Variants in MCUB observed in about 807,000 individuals in gnomAD.
MCUB encodes calcium uniporter regulatory subunit MCUb, mitochondrial.
Under a neutral mutation model 41.4 loss-of-function variants are expected in MCUB, and 46 were observed. That is an observed-to-expected ratio of 1.11 (90% CI 0.88 to 1.42). The LOEUF is 1.42. Ranked by LOEUF, MCUB falls within the 40% of genes most tolerant of loss-of-function variation. The probability of loss-of-function intolerance (pLI) is 0.00; values close to 1 mark genes in which losing one functional copy is unlikely to be tolerated. For missense variants in MCUB, 403 were observed against 404.9 expected (o/e 1.00, Z 0.04); for synonymous variants, 148 against 148.2 (o/e 1.00, Z 0.01).
intron 1 of MCUB, among the ~76,000 whole-genome samples, chr4:109,658,642 A>T (rs1038936734): frequency 6.6e-6 from 1 of 152,140 alleles, no homozygotes; most frequent in African/African-American, 2.4e-5. Flanking sequence ...TGGTCTGGGG[A>T]CCACATATTG....
chr4:109,687,391 C>T, intron 7 of MCUB, 124 bp from the exon 8 acceptor site: 2 of 636,522 alleles, frequency 3.1e-6, no homozygotes, highest in South Asian at 4.1e-5. Flanking sequence ...AGCCATTTGC[C>T]ACTAATAGTT....
chr4:109,621,832 TCATC>T (rs1728256633), intron 1 of MCUB, among the ~76,000 whole-genome samples: 1 of 152,188 alleles, frequency 6.6e-6, no homozygotes, highest in African/African-American at 2.4e-5. Context: ...CCTCTGTTGT[TCATC>T]CATAGAAAAC....
At chr4:109,679,348 C>T (rs2126150893) in intron 4 of MCUB, among the ~76,000 whole-genome samples, 1 of 152,342 alleles carries the variant, frequency 6.6e-6, no homozygotes, top group South Asian at 2.1e-4. Context: ...TGCACTCCAG[C>T]CTGGGCAACA....
At chr4:109,605,286 T>C (rs1210872841) in intron 1 of MCUB, among the ~76,000 whole-genome samples, 1 of 152,190 alleles carries the variant, frequency 6.6e-6, no homozygotes, top group Non-Finnish European at 1.5e-5. Flanking sequence ...CTTCACTGAC[T>C]CACTGGTCAT....
chr4:109,636,604 G>C (rs1368235559), intron 1 of MCUB, among the ~76,000 whole-genome samples: 1 of 152,226 alleles, frequency 6.6e-6, no homozygotes, highest in Non-Finnish European at 1.5e-5. Flanking sequence ...GGAGGCCGAG[G>C]CGGGCAGATC....
chr4:109,579,789 C>T (rs1038700054), intron 1 of MCUB, among the ~76,000 whole-genome samples: 1 of 151,734 alleles, frequency 6.6e-6, no homozygotes, highest in African/African-American at 2.4e-5. Context: ...GAGAATGAGT[C>T]AAAATAAAAA....
intron 1 of MCUB, among the ~76,000 whole-genome samples, chr4:109,570,668 T>A (rs982689612): frequency 3.3e-5 from 5 of 152,256 alleles, no homozygotes; most frequent in Admixed American, 6.5e-5. Context: ...GTAGACTCAA[T>A]ATCAAGATTT....
intron 1 of MCUB, among the ~76,000 whole-genome samples, chr4:109,603,250 C>A (rs1393641910): frequency 6.6e-6 from 1 of 152,232 alleles, no homozygotes; most frequent in African/African-American, 2.4e-5. Context: ...CGCGCGCCGC[C>A]ACGCCTGACT....
intron 1 of MCUB, among the ~76,000 whole-genome samples, chr4:109,580,307 CT>C (rs1266915757): frequency 1.3e-5 from 2 of 152,150 alleles, no homozygotes; most frequent in African/African-American, 2.4e-5. Context: ...GGTTCCAAGT[CT>C]TTGCTATGGT....
chr4:109,682,795 G>C (rs180918272), intron 5 of MCUB, 53 bp downstream of exon 5: 4 of 1,388,924 alleles, frequency 2.9e-6, no homozygotes, highest in Admixed American at 4.0e-5. Context: ...AGTGTTTATT[G>C]AGTGCTCCTC....
chr4:109,659,956 C>T (rs1245693598), intron 2 of MCUB, among the ~76,000 whole-genome samples: 1 of 152,194 alleles, frequency 6.6e-6, no homozygotes, highest in Non-Finnish European at 1.5e-5. Flanking sequence ...CCATGCCGGC[C>T]ACCTGGGAAG....
chr4:109,649,751 T>TAAAATATA (rs78398525), intron 1 of MCUB, among the ~76,000 whole-genome samples: 1 of 151,270 alleles, frequency 6.6e-6, no homozygotes, highest in African/African-American at 2.4e-5. Flanking sequence ...TATGATTTTT[T>TAAAATATA]AAAATAGAAA....
chr4:109,612,114 C>G (rs1241353308), intron 1 of MCUB, among the ~76,000 whole-genome samples: 1 of 152,078 alleles, frequency 6.6e-6, no homozygotes. Flanking sequence ...TCTCACATTC[C>G]CGGAGGCTGG....
At chr4:109,572,594 A>C (rs545447038) in intron 1 of MCUB, among the ~76,000 whole-genome samples, 6 of 152,136 alleles carry the variant, frequency 3.9e-5, no homozygotes, top group Non-Finnish European at 8.8e-5. Context: ...ATCATAACTG[A>C]CACTAATTCA....
intron 6 of MCUB, 147 bp from the exon 7 acceptor site, chr4:109,685,104 T>A (rs913212287): frequency 9.4e-6 from 5 of 532,396 alleles, no homozygotes; most frequent in Non-Finnish European, 1.7e-5. Flanking sequence ...TGTGTTGGCT[T>A]ATGCTTACTC....
At chr4:109,580,815 A>C (rs2126126578) in intron 1 of MCUB, among the ~76,000 whole-genome samples, 1 of 152,250 alleles carries the variant, frequency 6.6e-6, no homozygotes, top group East Asian at 1.9e-4. Flanking sequence ...ATTTTCTCCC[A>C]GTCTGTAGGT....
chr4:109,612,282 T>TTC (rs1728027514), intron 1 of MCUB, among the ~76,000 whole-genome samples: 1 of 146,188 alleles, frequency 6.8e-6, no homozygotes, highest in African/African-American at 2.5e-5. Context: ...TTTTTTTTTT[T>TTC]GAGAGCGTCT....
intron 1 of MCUB, among the ~76,000 whole-genome samples, chr4:109,573,948 C>T (rs541486398): frequency 6.8e-6 from 1 of 147,188 alleles, no homozygotes; most frequent in Non-Finnish European, 1.5e-5. Flanking sequence ...TCTCGGCTCA[C>T]TGCAGCCTCC....
intron 1 of MCUB, among the ~76,000 whole-genome samples, chr4:109,655,188 A>G (rs936082699): frequency 2.0e-5 from 3 of 152,268 alleles, no homozygotes; most frequent in Admixed American, 1.3e-4. Flanking sequence ...TAAGAGATAC[A>G]TAAAGCAAGG....
Sources: gnomAD v4.1 joint callset for allele counts (sites outside exome capture counted in the v4.1 genomes callset) on GRCh38, gnomAD v4.1.1 for gene constraint, MANE v1.5 for transcripts, NCBI Gene and HGNC (gene_info 2026-07-23, HGNC 2026-07-21) for gene names.